The following ACAD10 variants were observed in gnomAD, a reference collection of about 807,000 sequenced individuals.
The protein encoded by ACAD10 is acyl-CoA dehydrogenase family member 10, also known as ACAD-10.
ACAD10 carries 112 observed loss-of-function variants against 116.8 expected under a neutral mutation model. The ratio of observed to expected loss-of-function variants is 0.96; its 90% CI spans 0.82 to 1.12. ACAD10 has a LOEUF of 1.12. Among genes scored for constraint, ACAD10 ranks in the 50% most tolerant of loss-of-function variants. ACAD10 has a pLI of 0.00. For missense variants in ACAD10, 1,259 were observed against 1,350.2 expected (o/e 0.93, Z 1.06); for synonymous variants, 486 against 510.6 (o/e 0.95, Z 0.65).
intron 5 of ACAD10, among the ~76,000 whole-genome samples, chr12:111,711,236 T>A (rs1163399547): frequency 1.3e-5 from 2 of 152,248 alleles, no homozygotes; most frequent in Admixed American, 6.5e-5. Context: ...AGTCTCATTC[T>A]GTCGCCCAGG....
chr12:111,692,810 G>T lies in ACAD10; in HGVS notation c.101G>T (p.Trp34Leu). The change falls in exon 2 of 21, where the codon TGG becomes TTG. Residue 34 changes from tryptophan (W) to leucine (L), a missense_variant. By Grantham distance (61) the Trp-to-Leu change is moderately conservative. Transcript: ENST00000313698. ...CGCAGGCACCAGGGGTCCCACCGAT[G>T]GACACACCTTGGAGGCAGCACCTAC... Reference protein sequence around the residue: ...TQRRHQGSHRWTHLGGSTYRA... With the variant: ...TQRRHQGSHRLTHLGGSTYRA... 1.2e-6 allele frequency: 2 copies of T among 1,614,222 alleles called. No individual in the cohort carries two copies. Among genetic ancestry groups the T allele is most frequent in the Non-Finnish European group, 1.7e-6 (2 of 1,180,042 alleles).
intron 17 of ACAD10, chr12:111,748,810 G>C (rs1358802889): frequency 1.7e-6 from 1 of 589,498 alleles, no homozygotes; most frequent in East Asian, 3.6e-5. Context: ...CTAGGCCACA[G>C]CCCTGGTTTG....
intron 2 of ACAD10, among the ~76,000 whole-genome samples, chr12:111,693,525 A>C (rs1051555545): frequency 6.6e-6 from 1 of 152,062 alleles, no homozygotes; most frequent in Admixed American, 6.6e-5. Context: ...GTAACAGAGC[A>C]AGACCCTTAC....
intron 12 of ACAD10, among the ~76,000 whole-genome samples, chr12:111,740,632 CCTGTAATCCCAGCTACTAGGTGT>C (rs1266913716): frequency 4.7e-4 from 71 of 150,468 alleles, no homozygotes; most frequent in Non-Finnish European, 7.1e-4. Flanking sequence ...GTGGTGTGTG[CCTGTAATCCCAGCTACTAGGTGT>C]CTGTAATCCC....
chr12:111,734,059 G>A lies in ACAD10; in HGVS notation c.1531G>A (p.Val511Met), dbSNP rs376167606. 84 of 1,614,056 alleles carry A rather than the reference G, an allele frequency of 5.2e-5. No homozygotes were observed. The highest frequency in any genetic ancestry group is 2.4e-4 in the African/African-American group (18 of 74,936). The change falls in exon 11 of 21, where the codon GTG (valine) becomes ATG (methionine). Residue 511 changes from valine (V) to methionine (M), a missense_variant. Physicochemically the swap from Val to Met is conservative, Grantham distance 21. Transcript: ENST00000313698. ...LAHYLPSSFPVLRGINDCDLT... is the reference protein window; with the variant it reads ...LAHYLPSSFPMLRGINDCDLT... ...TCATTACCTGCCATCCAGTTTTCCC[G>A]TGCTGAGAGGTAGGAACTGCTGCTG...
At chr12:111,742,754 G>C (rs1367971556) in intron 12 of ACAD10, among the ~76,000 whole-genome samples, 2 of 152,138 alleles carry the variant, frequency 1.3e-5, no homozygotes, top group Non-Finnish European at 1.5e-5. Flanking sequence ...TTGTCACCCA[G>C]GCTGGAGTGC....
intron 2 of ACAD10, among the ~76,000 whole-genome samples, chr12:111,696,191 T>C (rs1050106975): frequency 1.3e-5 from 2 of 151,942 alleles, no homozygotes; most frequent in Non-Finnish European, 2.9e-5. Flanking sequence ...CCCAAGTAGC[T>C]GGGACTACAG....
chr12:111,712,461 CA>C, intron 5 of ACAD10, 36 bp from the exon 6 acceptor site: 1 of 1,574,254 alleles, frequency 6.4e-7, no homozygotes, highest in Non-Finnish European at 8.6e-7. Flanking sequence ...ATAACAACAA[CA>C]AAAAATATAC....
rs1890139076 is a variant in ACAD10, at chr12:111,753,880, A to T, written c.2926A>T (p.Arg976Ter). Residue 976 changes from arginine to a stop codon, truncating the protein, a stop_gained, in exon 19 of 21, where the codon AGA (arginine) becomes TGA (stop). Coordinates refer to ENST00000313698, the MANE Select transcript of ACAD10 (RefSeq NM_025247.6). LOFTEE classifies it high-confidence loss of function. ...EIEQARLLVL[R>*]AAHLMDLAGN... ...TGAGCAGGCACGGCTGCTGGTGCTG[A>T]GAGCTGCCCACCTCATGGACCTGGC... 1 of 1,611,416 alleles carries T rather than the reference A, an allele frequency of 6.2e-7. No homozygotes were observed. The highest frequency in any genetic ancestry group is 1.7e-5 in the Admixed American group (1 of 59,972).
chr12:111,715,178 G>A (rs907835351), intron 6 of ACAD10, among the ~76,000 whole-genome samples: 2 of 152,240 alleles, frequency 1.3e-5, no homozygotes, highest in East Asian at 3.8e-4. Flanking sequence ...AACTCAGGCC[G>A]AGTTCTGTTG....
At chr12:111,728,214 G>T in intron 9 of ACAD10, 71 bp downstream of exon 9, 1 of 1,465,438 alleles carries the variant, frequency 6.8e-7, no homozygotes. Flanking sequence ...GATCTGAATC[G>T]TTTTGGGTCG....
intron 10 of ACAD10, among the ~76,000 whole-genome samples, chr12:111,731,855 G>C (rs2135976963): frequency 6.6e-6 from 1 of 152,296 alleles, no homozygotes; most frequent in East Asian, 1.9e-4. Context: ...GGCGAAAGCG[G>C]GCAGATCACT....
chr12:111,751,706 G>A (rs1483736317), intron 18 of ACAD10, among the ~76,000 whole-genome samples: 2 of 151,292 alleles, frequency 1.3e-5, no homozygotes, highest in Non-Finnish European at 2.9e-5. Context: ...ACTCTAGCCG[G>A]AGTGACAAAG....
chr12:111,753,838 C>T lies in ACAD10; in HGVS notation c.2884C>T (p.Gln962Ter), dbSNP rs1209905024. The T allele has an allele frequency of 1.2e-6, 2 of 1,613,936 alleles. No individual in the cohort carries two copies. The highest frequency in any genetic ancestry group is 1.7e-6 in the Non-Finnish European group (2 of 1,180,062). The change falls in exon 19 of 21, where the codon CAG becomes TAG. Residue 962 changes from glutamine (Q) to a stop codon, truncating the protein, a stop_gained. Transcript: ENST00000313698. LOFTEE classifies it high-confidence loss of function. Reference protein sequence around the residue: ...EQGTVLADIAQSRVEIEQARL... With the variant: ...EQGTVLADIA Reference sequence around the variant, plus strand: ...GGGCACAGTGCTGGCGGACATCGCGCAGTCGCGCGTGGAGATTGAGCAGGC... The same window carrying T: ...GGGCACAGTGCTGGCGGACATCGCGTAGTCGCGCGTGGAGATTGAGCAGGC...
chr12:111,723,916 G>A (rs1216393057), intron 8 of ACAD10, among the ~76,000 whole-genome samples: 3 of 151,280 alleles, frequency 2.0e-5, no homozygotes, highest in South Asian at 4.2e-4. Context: ...ACGGGGTCTC[G>A]GCCGGGCAGA....
rs1212921759 is a variant in ACAD10, at chr12:111,756,869, G to A, written c.*396G>A. On this transcript the variant is annotated 3_prime_UTR_variant, in exon 21 of 21. Transcript: ENST00000313698. ...GCTGTGGGACGTGCTTGCTCTGGCA[G>A]CTGCAGGGTTCCTGTCTGGCCTCCC... is the stretch of plus-strand genomic sequence containing the variant. 3 of 461,400 alleles carry A rather than the reference G, an allele frequency of 6.5e-6. No individual in the cohort carries two copies. Among genetic ancestry groups the A allele is most frequent in the South Asian group, 4.6e-5 (3 of 64,604 alleles). 28.6% of individuals were successfully genotyped at this position (461,400 alleles called of 1,614,324 possible).
rs368006509 is a variant in ACAD10, at chr12:111,714,238, C to G, written c.850+1581C>G. On this transcript the variant is annotated intron_variant, in intron 6 of 20. Coordinates refer to ENST00000313698, the MANE Select transcript of ACAD10 (RefSeq NM_025247.6). ...GCAGCCTGGGCAGCAGAGCAAGGCTCTGTCTCCAAAAAAAAAAAAAAAAGT... is the reference window on the plus strand; with the variant it reads ...GCAGCCTGGGCAGCAGAGCAAGGCTGTGTCTCCAAAAAAAAAAAAAAAAGT... 2.7e-5 allele frequency among the ~76,000 whole-genome samples: 4 copies of G among 147,604 alleles called. No individual in the cohort carries two copies. In the East Asian group the frequency reaches 6.0e-4, roughly 22 times the overall value.
At chr12:111,754,032 C>T (rs1566171571) in intron 19 of ACAD10, 117 bp downstream of exon 19, 3 of 1,397,126 alleles carry the variant, frequency 2.1e-6, no homozygotes, top group Admixed American at 5.7e-5. Flanking sequence ...CTACTTGGAG[C>T]TGTTTGGGCA....
intron 12 of ACAD10, among the ~76,000 whole-genome samples, chr12:111,740,804 AAAAG>A (rs1390911830): frequency 6.7e-6 from 1 of 149,888 alleles, no homozygotes; most frequent in Middle Eastern, 3.4e-3. Flanking sequence ...AAAAAAAAAG[AAAAG>A]AAAAAGAAAT....
Sources: allele counts gnomAD v4.1 joint callset (sites outside exome capture counted in the v4.1 genomes callset), GRCh38; gene constraint gnomAD v4.1.1; transcripts MANE v1.5; gene names NCBI Gene and HGNC (gene_info 2026-07-23, HGNC 2026-07-21).